Variants in GANAB observed in about 807,000 individuals in gnomAD.
GANAB encodes neutral alpha-glucosidase AB.
Under a neutral mutation model 129.9 loss-of-function variants are expected in GANAB, and 35 were observed. The ratio of observed to expected loss-of-function variants is 0.27; its 90% CI spans 0.21 to 0.36. The LOEUF (loss-of-function observed/expected upper bound fraction) is 0.36. Ranked by LOEUF, GANAB falls within the 10% of genes least tolerant of loss-of-function variation. GANAB has a pLI of 1.00. For missense variants in GANAB, 939 were observed against 1,221.0 expected (o/e 0.77, Z 3.44); for synonymous variants, 482 against 451.8 (o/e 1.07, Z -0.85).
At chr11:62,634,581 C>T in intron 5 of GANAB, 1 of 615,300 alleles carries the variant, frequency 1.6e-6, no homozygotes, top group East Asian at 2.7e-5. Flanking sequence ...CAGACCCAGG[C>T]AGGCCTCCCA....
intron 1 of GANAB, among the ~76,000 whole-genome samples, chr11:62,645,844 TACCCC>T (rs1944454399): frequency 1.3e-5 from 2 of 152,206 alleles, no homozygotes; most frequent in Admixed American, 1.3e-4. Flanking sequence ...AGTACACGCC[TACCCC>T]ACCCCAGTAT....
In GANAB at chr11:62,630,832, G is replaced by A. The variant is rs1943638331; in HGVS notation, c.1155C>T (p.Thr385=). Residue 385 remains threonine, a synonymous_variant, in exon 11 of 24, where the codon ACC becomes ACT. Transcript: ENST00000356638. The part of the protein sequence containing the change: ...VFRQYASLTG[T]QALPPLFSLG... ...GGGAGAAGAGTGGGGGCAACGCCTGGGTTCCTGCAGGTTCATGAGGGATGG... is the reference window on the plus strand; with the variant it reads ...GGGAGAAGAGTGGGGGCAACGCCTGAGTTCCTGCAGGTTCATGAGGGATGG... 5 of 1,610,252 alleles carry A rather than the reference G, an allele frequency of 3.1e-6. No homozygotes were observed. The highest frequency in any genetic ancestry group is 4.2e-6 in the Non-Finnish European group (5 of 1,177,292).
chr11:62,627,019 T>G, intron 19 of GANAB, 29 bp downstream of exon 19: 1 of 1,602,504 alleles, frequency 6.2e-7, no homozygotes, highest in South Asian at 1.1e-5. Flanking sequence ...TTCCACCATC[T>G]TTCCCCACCA....
At chr11:62,641,597 C>CTTTTTGCTTTT in intron 1 of GANAB, among the ~76,000 whole-genome samples, 1 of 151,918 alleles carries the variant, frequency 6.6e-6, no homozygotes, top group African/African-American at 2.4e-5. Context: ...TTGTTTTTTG[C>CTTTTTGCTTTT]TTTGAGACAG....
rs774935916 is a variant in GANAB, at chr11:62,626,577, G to A, written c.2505C>T (p.Ser835=). 3 of 1,600,344 alleles carry A rather than the reference G, an allele frequency of 1.9e-6. No individual in the cohort carries two copies. In the Admixed American group the frequency reaches 5.0e-5, roughly 27 times the overall value. The change falls in exon 21 of 24, where the codon AGC becomes AGT. Residue 835 remains serine, a synonymous_variant. Coordinates refer to ENST00000356638, the MANE Select transcript of GANAB (RefSeq NM_198334.3). Reference sequence around the variant, plus strand: ...TCGCTGCCTATGCACTTACCTGAGGGCTAAGTGCAACAAAGAGAGTGATGG... The same window carrying A: ...TCGCTGCCTATGCACTTACCTGAGGACTAAGTGCAACAAAGAGAGTGATGG... ...DDPITLFVAL[S]PQGTAQGELF...
intron 4 of GANAB, among the ~76,000 whole-genome samples, chr11:62,637,926 C>G (rs1028580446): frequency 2.6e-5 from 4 of 151,620 alleles, no homozygotes; most frequent in Non-Finnish European, 5.9e-5. Context: ...AAACGGAAAC[C>G]CCAGAAGACC....
intron 10 of GANAB, 44 bp downstream of exon 10, chr11:62,630,986 C>G: frequency 6.4e-7 from 1 of 1,572,644 alleles, no homozygotes; most frequent in Non-Finnish European, 8.7e-7. Context: ...TAGAATCACC[C>G]GACAAGAAAA....
chr11:62,646,491 G>A lies in GANAB; in HGVS notation c.38+71C>T, dbSNP rs952438497. The A allele has an allele frequency of 9.8e-6, 15 of 1,530,600 alleles. No individual in the cohort carries two copies. The African/African-American group carries it at 1.1e-4, about 11-fold the overall frequency. 94.8% of individuals were successfully genotyped at this position (1,530,600 alleles called of 1,614,324 possible). Reference sequence around the variant, plus strand: ...GTGGCAGAGTGTCAAGAGACACACAGGAAGGAGTGGAATGGGACTTGGGGG... The same window carrying A: ...GTGGCAGAGTGTCAAGAGACACACAAGAAGGAGTGGAATGGGACTTGGGGG... On this transcript the variant is annotated intron_variant, in intron 1 of 23. Transcript: ENST00000356638.
intron 17 of GANAB, among the ~76,000 whole-genome samples, chr11:62,628,056 C>T (rs576178348): frequency 6.6e-6 from 1 of 152,160 alleles, no homozygotes; most frequent in Non-Finnish European, 1.5e-5. Context: ...CCAAGACATA[C>T]TGTTTTTTTC....
intron 10 of GANAB, 48 bp from the exon 11 acceptor site, chr11:62,630,884 A>T (rs369968500): frequency 2.0e-6 from 3 of 1,532,978 alleles, no homozygotes; most frequent in Non-Finnish European, 2.7e-6. Context: ...CAGGCCCAAC[A>T]CCCAGAAACT....
At chr11:62,638,947 GGCCACA>G (rs1486535701) in intron 4 of GANAB, 30 bp downstream of exon 4, 8 of 1,604,404 alleles carry the variant, frequency 5.0e-6, no homozygotes, top group Non-Finnish European at 6.0e-6. Flanking sequence ...AGGAGAAAGG[GGCCACA>G]GAAATGGATG....
Position 62,628,756 on chromosome 11 carries a change from G to A in GANAB, c.2180+13C>T. On this transcript the variant is annotated intron_variant, in intron 17 of 23. Transcript: ENST00000356638. Reference sequence around the variant, plus strand: ...CCTCAGCCCACTCTTCACAGCCCAAGTGAATGCCTCACCTCATGACAGGAA... The same window carrying A: ...CCTCAGCCCACTCTTCACAGCCCAAATGAATGCCTCACCTCATGACAGGAA... 2.5e-6 allele frequency: 4 copies of A among 1,611,728 alleles called. No homozygotes were observed. Among genetic ancestry groups the A allele is most frequent in the Non-Finnish European group, 3.4e-6 (4 of 1,178,036 alleles).
intron 1 of GANAB, among the ~76,000 whole-genome samples, chr11:62,640,458 G>A (rs1366660998): frequency 1.3e-5 from 2 of 149,318 alleles, no homozygotes; most frequent in Non-Finnish European, 3.0e-5. Flanking sequence ...GCATGAATCC[G>A]GGAGGCAGAA....
chr11:62,646,362 AG>A (rs1944483658), intron 1 of GANAB, among the ~76,000 whole-genome samples, 199 bp downstream of exon 1: 1 of 152,064 alleles, frequency 6.6e-6, no homozygotes, highest in East Asian at 1.9e-4. Context: ...GGGAGCCCGG[AG>A]CCCCACAGGC....
rs1203211620 is a variant in GANAB, at chr11:62,635,115, G to C, written c.381-115C>G. ...AAGAGAAATAGGCAGTGTGGTAACA[G>C]AGCAGGGATAGACAAGTTAATAAAC... On this transcript the variant is annotated intron_variant, in intron 4 of 23. Coordinates refer to ENST00000356638, the MANE Select transcript of GANAB (RefSeq NM_198334.3). The C allele has an allele frequency of 1.8e-5, 12 of 684,082 alleles. No individual in the cohort carries two copies. In the Admixed American group the frequency reaches 3.1e-4, roughly 17 times the overall value. 42.4% of individuals were successfully genotyped at this position (684,082 alleles called of 1,614,324 possible).
Position 62,625,014 on chromosome 11 carries a change from T to G in GANAB, c.*801A>C, listed in dbSNP as rs774465046. The stretch of plus-strand genomic sequence containing the variant: ...TCATCTCCCCCCACCCTCAGGCTTC[T>G]CCTAGCAATAAATACAGGTGACCAT... On this transcript the variant is annotated 3_prime_UTR_variant, in exon 24 of 24. Transcript: ENST00000356638. The G allele has an allele frequency of 3.7e-6, 1 of 268,682 alleles. No individual in the cohort carries two copies. The highest frequency in any genetic ancestry group is 6.9e-6 in the Non-Finnish European group (1 of 143,910). The allele number at this position is 268,682 out of a possible 1,614,324, so 16.6% of individuals were successfully genotyped here.
intron 1 of GANAB, among the ~76,000 whole-genome samples, chr11:62,641,301 G>A (rs1368836814): frequency 1.4e-5 from 2 of 142,208 alleles, no homozygotes; most frequent in Non-Finnish European, 3.0e-5. Context: ...CCAAGATTGT[G>A]CTACTGCACT....
At chr11:62,633,860 C>T in intron 5 of GANAB, 1 of 432,302 alleles carries the variant, frequency 2.3e-6, no homozygotes, top group South Asian at 2.8e-5. Context: ...ATTCTGGCCC[C>T]AAGTGCTCTC....
chr11:62,643,676 C>T (rs528585895), intron 1 of GANAB, among the ~76,000 whole-genome samples: 1 of 152,092 alleles, frequency 6.6e-6, no homozygotes, highest in African/African-American at 2.4e-5. Flanking sequence ...ATTAGCCAGG[C>T]GTAGTGGCAC....
Sources: allele counts gnomAD v4.1 joint callset (sites outside exome capture counted in the v4.1 genomes callset), GRCh38; gene constraint gnomAD v4.1.1; transcripts MANE v1.5; gene names NCBI Gene and HGNC (gene_info 2026-07-23, HGNC 2026-07-21).